The following MPPED2 variants were observed in gnomAD, a reference collection of about 807,000 sequenced individuals.
MPPED2 encodes the protein metallophosphoesterase domain containing 2, also known as metallophosphoesterase MPPED2.
A neutral mutation model predicts 33.0 loss-of-function variants in MPPED2; 5 were observed. The ratio of observed to expected loss-of-function variants is 0.15; its 90% confidence interval spans 0.08 to 0.32. The LOEUF (loss-of-function observed/expected upper bound fraction) is 0.32. Ranked by LOEUF, MPPED2 falls within the 10% of genes least tolerant of loss-of-function variation. The pLI is 1.00. For missense variants in MPPED2, 275 were observed against 372.1 expected, an observed-to-expected ratio of 0.74 and a Z score of 2.15; for synonymous variants, 136 against 141.9, an observed-to-expected ratio of 0.96 and a Z score of 0.29.
At chr11:30,402,140 G>T (rs972977260) in intron 6 of MPPED2, among the ~76,000 whole-genome samples, 1 of 152,134 alleles carries the variant, frequency 6.6e-6, no homozygotes, top group Non-Finnish European at 1.5e-5. Flanking sequence ...TGATGAAGGG[G>T]TTCTTTAAAT....
intron 2 of MPPED2, among the ~76,000 whole-genome samples, chr11:30,558,354 A>G (rs1956082715): frequency 6.6e-6 from 1 of 151,646 alleles, no homozygotes; most frequent in African/African-American, 2.4e-5. Context: ...TGCCTTACTT[A>G]TATGTACTTT....
intron 4 of MPPED2, among the ~76,000 whole-genome samples, chr11:30,419,618 C>A (rs1455875439): frequency 6.6e-6 from 1 of 152,162 alleles, no homozygotes; most frequent in African/African-American, 2.4e-5. Context: ...TCTGGTAAGA[C>A]TGATTCCATC....
intron 6 of MPPED2, among the ~76,000 whole-genome samples, chr11:30,400,215 G>T (rs1947891196): frequency 6.6e-6 from 1 of 152,070 alleles, no homozygotes; most frequent in Non-Finnish European, 1.5e-5. Flanking sequence ...AGGACTACAG[G>T]TTCCTGTCAC....
At chr11:30,399,010 GAC>G (rs1947873512) in intron 6 of MPPED2, among the ~76,000 whole-genome samples, 2 of 152,070 alleles carry the variant, frequency 1.3e-5, no homozygotes, top group East Asian at 3.8e-4. Context: ...CTCCAAAAGT[GAC>G]ACACACAAGT....
At chr11:30,450,174 A>G (rs1383483680) in intron 4 of MPPED2, among the ~76,000 whole-genome samples, 5 of 152,170 alleles carry the variant, frequency 3.3e-5, no homozygotes, top group South Asian at 2.1e-4. Context: ...TTCCCCTACA[A>G]TATGAACTCA....
chr11:30,494,737 C>CAAAAAAAA (rs767500886), intron 4 of MPPED2, among the ~76,000 whole-genome samples: 44 of 47,426 alleles, frequency 9.3e-4, no homozygotes, highest in Non-Finnish European at 1.3e-3. Flanking sequence ...TACTCCACCT[C>CAAAAAAAA]AAAAAAAAAA....
At chr11:30,573,901 T>C (rs985598444) in intron 2 of MPPED2, among the ~76,000 whole-genome samples, 7 of 152,150 alleles carry the variant, frequency 4.6e-5, no homozygotes, top group Non-Finnish European at 7.4e-5. Flanking sequence ...AAGCAGCTTA[T>C]AGAATAAGAA....
intron 3 of MPPED2, among the ~76,000 whole-genome samples, chr11:30,517,090 C>A (rs1386541572): frequency 6.6e-6 from 1 of 152,136 alleles, no homozygotes; most frequent in Non-Finnish European, 1.5e-5. Context: ...AATTACACAG[C>A]CTGCTAATCT....
At chr11:30,512,014 A>G (rs1261903752) in intron 3 of MPPED2, among the ~76,000 whole-genome samples, 1 of 152,064 alleles carries the variant, frequency 6.6e-6, no homozygotes, top group Admixed American at 6.6e-5. Context: ...CTTAGGCTCT[A>G]TTTTTGTCTC....
At chr11:30,549,653 G>A (rs575395475) in intron 2 of MPPED2, among the ~76,000 whole-genome samples, 2 of 152,128 alleles carry the variant, frequency 1.3e-5, no homozygotes, top group South Asian at 4.2e-4. Context: ...TCCTCAAAAA[G>A]CCTTCTCCTA....
At chr11:30,412,544 C>T (rs1442338817) in intron 6 of MPPED2, among the ~76,000 whole-genome samples, 4 of 152,050 alleles carry the variant, frequency 2.6e-5, no homozygotes, top group Non-Finnish European at 4.4e-5. Flanking sequence ...TCCACATTGG[C>T]TAAAATTTCT....
At chr11:30,487,442 G>A (rs1276531813) in intron 4 of MPPED2, among the ~76,000 whole-genome samples, 1 of 152,172 alleles carries the variant, frequency 6.6e-6, no homozygotes, top group Non-Finnish European at 1.5e-5. Flanking sequence ...TGTGGTGCAG[G>A]AACAGCAGGA....
intron 6 of MPPED2, among the ~76,000 whole-genome samples, chr11:30,392,888 T>G (rs549900022): frequency 6.6e-6 from 1 of 152,286 alleles, no homozygotes; most frequent in East Asian, 1.9e-4. Flanking sequence ...TAAGGCAAAG[T>G]GTGTCCACTA....
intron 4 of MPPED2, among the ~76,000 whole-genome samples, chr11:30,478,958 A>G (rs1330937195): frequency 6.6e-6 from 1 of 152,180 alleles, no homozygotes; most frequent in African/African-American, 2.4e-5. Context: ...AGGAACAACA[A>G]GAAAAGACAT....
At chr11:30,569,723 C>CA (rs748849072) in intron 2 of MPPED2, among the ~76,000 whole-genome samples, 7 of 152,036 alleles carry the variant, frequency 4.6e-5, no homozygotes, top group Non-Finnish European at 1.0e-4. Context: ...TGAATTATCC[C>CA]AAAAATCATT....
intron 2 of MPPED2, among the ~76,000 whole-genome samples, chr11:30,565,930 CTGTTATGACGGTGT>C (rs1956422758): frequency 6.6e-6 from 1 of 152,030 alleles, no homozygotes; most frequent in African/African-American, 2.4e-5. Flanking sequence ...CATACCAATA[CTGTTATGACGGTGT>C]TATCTGTATT....
intron 4 of MPPED2, among the ~76,000 whole-genome samples, chr11:30,470,402 A>G (rs1007585278): frequency 2.2e-4 from 34 of 152,200 alleles, no homozygotes; most frequent in East Asian, 3.9e-4. Context: ...AAAGGAGATG[A>G]GTAATCGTCT....
At chr11:30,447,703 A>T (rs1393225043) in intron 4 of MPPED2, among the ~76,000 whole-genome samples, 1 of 152,190 alleles carries the variant, frequency 6.6e-6, no homozygotes, top group Non-Finnish European at 1.5e-5. Context: ...GCAGTTAAAC[A>T]GGGGCAAGTA....
At chr11:30,514,623 G>A (rs919619419) in intron 3 of MPPED2, among the ~76,000 whole-genome samples, 1 of 152,106 alleles carries the variant, frequency 6.6e-6, no homozygotes, top group Non-Finnish European at 1.5e-5. Context: ...AAAAAATAGT[G>A]TTTCAACCAA....
Sources: gnomAD v4.1 joint callset for allele counts (sites outside exome capture counted in the v4.1 genomes callset) on GRCh38, gnomAD v4.1.1 for gene constraint, MANE v1.5 for transcripts, NCBI Gene and HGNC (gene_info 2026-07-23, HGNC 2026-07-21) for gene names.